Variants in SSBP3 observed in about 807,000 individuals in gnomAD.
SSBP3 encodes the protein single stranded DNA binding protein 3.
In SSBP3, 5 loss-of-function variants were observed where a neutral mutation model predicts 69.6. The ratio of observed to expected loss-of-function variants is 0.07; its 90% confidence interval spans 0.04 to 0.15. The LOEUF (loss-of-function observed/expected upper bound fraction) is 0.15, where lower values mean the gene tolerates loss of function less well. Ranked by LOEUF, SSBP3 falls within the 10% of genes least tolerant of loss-of-function variation. The probability of loss-of-function intolerance (pLI) is 1.00; values close to 1 mark genes in which losing one functional copy is unlikely to be tolerated. For synonymous variants in SSBP3, 196 were observed against 193.4 expected, an observed-to-expected ratio of 1.01 and a Z score of -0.11; for missense variants, 312 against 534.0, an observed-to-expected ratio of 0.58 and a Z score of 4.10.
chr1:54,242,138 C>T, intron 11 of SSBP3, 26 bp downstream of exon 11: 1 of 1,611,928 alleles, frequency 6.2e-7, no homozygotes, highest in Non-Finnish European at 8.5e-7. Context: ...CTGACAAACA[C>T]CACCCCACCC....
At chr1:54,350,452 G>A (rs528298227) in intron 4 of SSBP3, among the ~76,000 whole-genome samples, 1 of 152,344 alleles carries the variant, frequency 6.6e-6, no homozygotes, top group Admixed American at 6.5e-5. Context: ...AAGTAGTCCT[G>A]TTTTTCTCAA....
chr1:54,253,714 A>C (rs1022868836), intron 7 of SSBP3, among the ~76,000 whole-genome samples: 6 of 152,174 alleles, frequency 3.9e-5, no homozygotes, highest in Non-Finnish European at 8.8e-5. Flanking sequence ...GCCTGCCTCT[A>C]AGGCTGTCTG....
chr1:54,338,987 T>C (rs1194405236), intron 4 of SSBP3, among the ~76,000 whole-genome samples: 1 of 152,150 alleles, frequency 6.6e-6, no homozygotes, highest in Non-Finnish European at 1.5e-5. Context: ...AACACACACC[T>C]TTTCTCACAT....
At chr1:54,285,101 C>T (rs1360092201) in intron 4 of SSBP3, among the ~76,000 whole-genome samples, 1 of 152,168 alleles carries the variant, frequency 6.6e-6, no homozygotes, top group Admixed American at 6.5e-5. Flanking sequence ...TCTCAAGCAG[C>T]AAAACTAAGT....
At chr1:54,340,879 C>T (rs989270687) in intron 4 of SSBP3, among the ~76,000 whole-genome samples, 1 of 152,200 alleles carries the variant, frequency 6.6e-6, no homozygotes, top group Non-Finnish European at 1.5e-5. Flanking sequence ...AGAGCCAATC[C>T]AAGAAACAAG....
intron 4 of SSBP3, among the ~76,000 whole-genome samples, chr1:54,386,474 C>T (rs2100747514): frequency 6.6e-6 from 1 of 152,186 alleles, no homozygotes; most frequent in East Asian, 1.9e-4. Flanking sequence ...TGTACTGGGG[C>T]CCTTGGCTGG....
intron 10 of SSBP3, 108 bp from the exon 11 acceptor site, chr1:54,242,320 T>G: frequency 7.5e-7 from 1 of 1,329,824 alleles, no homozygotes; most frequent in Admixed American, 1.8e-5. Flanking sequence ...CAGGAAGTCC[T>G]TCCTACAGCC....
At chr1:54,266,239 C>T (rs942932474) in intron 5 of SSBP3, among the ~76,000 whole-genome samples, 4 of 152,212 alleles carry the variant, frequency 2.6e-5, no homozygotes, top group African/African-American at 9.7e-5. Flanking sequence ...TCGCACCAAG[C>T]TGCATACCAG....
intron 4 of SSBP3, among the ~76,000 whole-genome samples, chr1:54,319,910 A>T (rs1358423376): frequency 6.6e-6 from 1 of 152,168 alleles, no homozygotes; most frequent in Non-Finnish European, 1.5e-5. Flanking sequence ...CTAATGCTGG[A>T]GAAACTGGCT....
intron 4 of SSBP3, among the ~76,000 whole-genome samples, chr1:54,318,548 C>T (rs1367039467): frequency 1.3e-5 from 2 of 152,192 alleles, no homozygotes; most frequent in Non-Finnish European, 2.9e-5. Flanking sequence ...CATCTTCACA[C>T]CCCAGAGTTT....
chr1:54,227,187 G>GGC lies in SSBP3; in HGVS notation c.1138-28_1138-27insGC, dbSNP rs1553120705. 1.3e-5 allele frequency: 15 copies of GGC among 1,145,974 alleles called. 3 individuals are homozygous for GGC. The highest frequency in any genetic ancestry group is 1.9e-5 in the Non-Finnish European group (15 of 791,362). The allele number at this position is 1,145,974 out of a possible 1,614,324, so 71.0% of individuals were successfully genotyped here. A position where few individuals can be genotyped will look rare whatever the true frequency, so the allele number is the denominator to read the frequency against. On this transcript the variant is annotated intron_variant, in intron 17 of 17. Transcript: ENST00000610401. The stretch of plus-strand genomic sequence containing the variant: ...TGGAAAGGAGAAGCAGAGAAGGGGG[G>GGC]GGGGTGAGGATTGTGGGGAGGCCGC...
chr1:54,315,317 G>A (rs978535794), intron 4 of SSBP3, among the ~76,000 whole-genome samples: 5 of 152,016 alleles, frequency 3.3e-5, no homozygotes, highest in Non-Finnish European at 5.9e-5. Context: ...GTTTCCAGCC[G>A]CCGCCTGTCC....
intron 4 of SSBP3, among the ~76,000 whole-genome samples, chr1:54,375,346 G>A (rs569368754): frequency 8.6e-6 from 1 of 116,036 alleles, no homozygotes; most frequent in South Asian, 2.4e-4. Flanking sequence ...CTGCATGCAT[G>A]CATGCATGCA....
chr1:54,354,297 G>A (rs1406106282), intron 4 of SSBP3, among the ~76,000 whole-genome samples: 1 of 152,202 alleles, frequency 6.6e-6, no homozygotes, highest in East Asian at 1.9e-4. Context: ...ATGCAGGGCA[G>A]GTGGACAGAC....
intron 4 of SSBP3, among the ~76,000 whole-genome samples, chr1:54,346,818 G>GAA (rs113297349): frequency 6.0e-5 from 8 of 133,534 alleles, no homozygotes; most frequent in East Asian, 2.1e-4. Context: ...CCATCTCAAG[G>GAA]AAAAAAAAAA....
chr1:54,228,650 G>T, intron 15 of SSBP3, 98 bp downstream of exon 15: 1 of 1,488,170 alleles, frequency 6.7e-7, no homozygotes, highest in Non-Finnish European at 9.1e-7. Flanking sequence ...AGCCAAGGCC[G>T]GCCAGGGCTC....
In SSBP3 at chr1:54,242,156, G is replaced by A. The variant is rs753817370; in HGVS notation, c.765+8C>T. On this transcript the variant is annotated splice_region_variant and intron_variant, in intron 11 of 17. Transcript: ENST00000610401. ...ACAAACACCACCCCACCCGACCCAGGTACTCACTGAGTTAGCACTGTTAGG... is the reference window on the plus strand; with the variant it reads ...ACAAACACCACCCCACCCGACCCAGATACTCACTGAGTTAGCACTGTTAGG... The A allele has an allele frequency of 1.9e-6, 3 of 1,612,832 alleles. No homozygotes were observed. In the South Asian group the frequency reaches 3.3e-5, roughly 18 times the overall value.
chr1:54,300,193 C>T (rs1288887505), intron 4 of SSBP3, among the ~76,000 whole-genome samples: 1 of 152,112 alleles, frequency 6.6e-6, no homozygotes, highest in Non-Finnish European at 1.5e-5. Context: ...CCTCAAAGAC[C>T]CTCTCCAACT....
intron 4 of SSBP3, among the ~76,000 whole-genome samples, chr1:54,324,375 C>A (rs1051156927): frequency 2.0e-5 from 3 of 152,200 alleles, no homozygotes; most frequent in Non-Finnish European, 4.4e-5. Context: ...TCTGTGCCAT[C>A]GAGAAGCCGG....
Sources: allele counts gnomAD v4.1 joint callset (sites outside exome capture counted in the v4.1 genomes callset), GRCh38; gene constraint gnomAD v4.1.1; transcripts MANE v1.5; gene names NCBI Gene and HGNC (gene_info 2026-07-23, HGNC 2026-07-21).